Variants in NLRC4 observed in about 807,000 individuals in gnomAD.
The protein encoded by NLRC4 is NLR family CARD domain-containing protein 4.
A neutral mutation model predicts 79.9 loss-of-function variants in NLRC4; 63 were observed. The ratio of observed to expected loss-of-function variants is 0.79; its 90% CI spans 0.64 to 0.97. The LOEUF (loss-of-function observed/expected upper bound fraction) is 0.97. Among genes scored for constraint, NLRC4 ranks in the 50% least tolerant of loss-of-function variants. NLRC4 has a pLI of 0.00. For missense variants in NLRC4, 1,074 were observed against 1,215.2 expected (o/e 0.88, Z 1.73); for synonymous variants, 461 against 456.5 (o/e 1.01, Z -0.12).
chr2:32,230,144 A>G (rs1686496050), intron 8 of NLRC4, among the ~76,000 whole-genome samples: 1 of 152,284 alleles, frequency 6.6e-6, no homozygotes. Context: ...GACTGCCCTT[A>G]GGTAGGAGAA....
rs757127936 is a variant in NLRC4 at position 32,251,288 on chromosome 2, C to G, written c.576G>C (p.Lys192Asn). ...IAMLWGSGKC[K>N]ALTKFKFVFF... is the part of the protein sequence containing the mutation. ...AGACGAATTTGAACTTGGTCAGAGC[C>G]TTGCACTTTCCGGAGCCCCAGAGCA... Residue 192 changes from lysine to asparagine, a missense_variant, in exon 4 of 9, where the codon AAG (lysine) becomes AAC (asparagine). By Grantham distance (94) the Lys-to-Asn change is moderately conservative. Transcript: ENST00000402280. 1.9e-6 allele frequency: 3 copies of G among 1,614,142 alleles called. No individual in the cohort carries two copies. The Admixed American group carries it at 5.0e-5, about 27-fold the overall frequency.
chr2:32,247,318 T>A (rs1325993120), intron 4 of NLRC4, among the ~76,000 whole-genome samples: 2 of 149,236 alleles, frequency 1.3e-5, no homozygotes, highest in Non-Finnish European at 3.0e-5. Context: ...TTTTTTAATT[T>A]TTTTTTTTTT....
chr2:32,265,338 G>A (rs951335050), upstream of NLRC4, among the ~76,000 whole-genome samples: 3 of 151,940 alleles, frequency 2.0e-5, no homozygotes, highest in Non-Finnish European at 2.9e-5. Flanking sequence ...GCACCACCAT[G>A]CCCGGCTAAT....
chr2:32,252,498 C>G lies in NLRC4; in HGVS notation c.183G>C (p.Lys61Asn), dbSNP rs1687101873. The G allele has an allele frequency of 1.2e-6, 2 of 1,613,622 alleles. No individual in the cohort carries two copies. The highest frequency in any genetic ancestry group is 8.5e-7 in the Non-Finnish European group (1 of 1,179,516). The change falls in exon 3 of 9, where the codon AAG becomes AAC. Residue 61 changes from lysine to asparagine, a missense_variant. Transcript: ENST00000402280. ...GAAAGAGGTTACAGGACTCTGAACC[C>G]TTTTTCAAAATCATGTGAATGATCC... ...ARGIIHMILK[K>N]GSESCNLFLK...
At chr2:32,236,864 G>T (rs150075316) in intron 6 of NLRC4, among the ~76,000 whole-genome samples, 2 of 64,534 alleles carry the variant, frequency 3.1e-5, no homozygotes, top group African/African-American at 1.6e-4. Context: ...AAATGGATGA[G>T]AAAAAAAACA....
chr2:32,242,370 A>G (rs2148937290), intron 4 of NLRC4, among the ~76,000 whole-genome samples: 1 of 152,364 alleles, frequency 6.6e-6, no homozygotes, highest in South Asian at 2.1e-4. Flanking sequence ...CAATTAGAGA[A>G]TAATATAAAC....
intron 8 of NLRC4, among the ~76,000 whole-genome samples, chr2:32,233,086 G>T: frequency 7.0e-6 from 1 of 143,014 alleles, no homozygotes. Flanking sequence ...CTCCAGCCTG[G>T]GCAACAGGGA....
intron 8 of NLRC4, among the ~76,000 whole-genome samples, chr2:32,233,151 A>C (rs1686581305): frequency 2.7e-5 from 1 of 36,828 alleles, no homozygotes; most frequent in Non-Finnish European, 4.7e-5. Flanking sequence ...GAAGGAAGGA[A>C]GGAAGGAAGG....
chr2:32,249,902 G>T lies in NLRC4; in HGVS notation c.1962C>A (p.Asn654Lys). ...IPSRAVSLFF[N>K]WKQEFRTLEV... The stretch of plus-strand genomic sequence containing the variant: ...CCAGAGTCCTGAATTCCTGCTTCCA[G>T]TTGAAGAACAAAGATACAGCCCTGC... The change falls in exon 4 of 9, where the codon AAC becomes AAA. Residue 654 changes from asparagine to lysine, a missense_variant. Physicochemically the swap from Asn to Lys is moderately conservative, Grantham distance 94. Coordinates refer to ENST00000402280, the MANE Select transcript of NLRC4 (RefSeq NM_001199138.2). 1 of 1,614,178 alleles carries T rather than the reference G, an allele frequency of 6.2e-7. No homozygotes were observed. The highest frequency in any genetic ancestry group is 8.5e-7 in the Non-Finnish European group (1 of 1,180,048).
intron 1 of NLRC4, among the ~76,000 whole-genome samples, chr2:32,260,228 A>C (rs1163261324): frequency 6.6e-6 from 1 of 151,314 alleles, no homozygotes; most frequent in Non-Finnish European, 1.5e-5. Context: ...AAAAAAAAAA[A>C]AAAAACAACG....
Position 32,250,904 on chromosome 2 carries a change from G to T in NLRC4, c.960C>A (p.Gly320=). The change falls in exon 4 of 9, where the codon GGC becomes GGA. Residue 320 remains glycine, a synonymous_variant. Coordinates refer to ENST00000402280, the MANE Select transcript of NLRC4 (RefSeq NM_001199138.2). This position sits in a 1 kb window ranked among gnomAD's most constrained non-coding sequence, Gnocchi z 4.9. The part of the protein sequence containing the change: ...REVLIKELAE[G]LLLQIQKSRC... Reference sequence around the variant, plus strand: ...TGGATTTCTGAATTTGGAGCAACAAGCCTTCAGCAAGCTCCTTGATCAGCA... The same window carrying T: ...TGGATTTCTGAATTTGGAGCAACAATCCTTCAGCAAGCTCCTTGATCAGCA... The T allele has an allele frequency of 1.9e-6, 3 of 1,614,118 alleles. No homozygotes were observed. The highest frequency in any genetic ancestry group is 1.7e-6 in the Non-Finnish European group (2 of 1,180,028).
At position 32,236,183 on chromosome 2, in the gene NLRC4, A is replaced by G. The variant is rs149359445; in HGVS notation, c.2614+64T>C. 3.6e-3 allele frequency: 3,484 copies of G among 979,204 alleles called. 13 individuals are homozygous for G. The highest frequency in any genetic ancestry group is 4.8e-3 in the Non-Finnish European group (3,038 of 632,798). The allele number at this position is 979,204 out of a possible 1,614,324, so 60.7% of individuals were successfully genotyped here. ...TATAAAAGACCTCAGGACCCAGGCT[A>G]TGTATTTCGACTACCCAGTATACAT... On this transcript the variant is annotated intron_variant, in intron 7 of 8. Coordinates refer to ENST00000402280, the MANE Select transcript of NLRC4 (RefSeq NM_001199138.2).
chr2:32,260,332 A>G (rs920904030), intron 1 of NLRC4, among the ~76,000 whole-genome samples: 1 of 151,920 alleles, frequency 6.6e-6, no homozygotes, highest in African/African-American at 2.4e-5. Context: ...AACAATGAAT[A>G]CTTTTGTACA....
intron 6 of NLRC4, 147 bp downstream of exon 6, chr2:32,237,985 A>C (rs1558449587): frequency 1.2e-5 from 6 of 510,498 alleles, no homozygotes; most frequent in Non-Finnish European, 2.0e-5. Flanking sequence ...AAATCATTAA[A>C]AACAATCTGC....
At chr2:32,233,632 A>G (rs1040778164) in intron 8 of NLRC4, among the ~76,000 whole-genome samples, 15 of 151,948 alleles carry the variant, frequency 9.9e-5, no homozygotes, top group African/African-American at 2.2e-4. Context: ...ATTCTATTCT[A>G]TTATGGTCAG....
intron 8 of NLRC4, among the ~76,000 whole-genome samples, chr2:32,231,573 G>T (rs1421456688): frequency 8.9e-4 from 25 of 28,050 alleles, no homozygotes; most frequent in African/African-American, 1.6e-3. Flanking sequence ...ATTTTTTTTT[G>T]TGGGGGGGGG....
At chr2:32,253,188 C>T (rs1321707726) in intron 2 of NLRC4, among the ~76,000 whole-genome samples, 1 of 151,700 alleles carries the variant, frequency 6.6e-6, no homozygotes, top group African/African-American at 2.4e-5. Flanking sequence ...CTTGCTGTGT[C>T]ACCCAGGCTG....
In NLRC4 at chr2:32,258,739, A is replaced by G. The variant is rs149735069; in HGVS notation, c.-118-1846T>C. ...TTCAATTTCCTGGTATGGTCCTGTC[A>G]TTTCATCCTCCTAGTTGCTTTAAAA... On this transcript the variant is annotated intron_variant, in intron 1 of 8. Transcript: ENST00000402280. Among the ~76,000 whole-genome samples the G allele has an allele frequency of 3.2e-3, 481 of 152,236 alleles. 3 individuals are homozygous for G. The highest frequency in any genetic ancestry group is 0.011 in the African/African-American group (469 of 41,542).
chr2:32,265,337 T>C (rs1341399005), upstream of NLRC4, among the ~76,000 whole-genome samples: 2 of 151,990 alleles, frequency 1.3e-5, no homozygotes, highest in African/African-American at 4.8e-5. Flanking sequence ...TGCACCACCA[T>C]GCCCGGCTAA....
Sources: gnomAD v4.1 joint callset for allele counts (sites outside exome capture counted in the v4.1 genomes callset) on GRCh38, gnomAD v4.1.1 for gene constraint, Gnocchi (gnomAD v3.1) non-coding constraint, MANE v1.5 for transcripts, NCBI Gene and HGNC (gene_info 2026-07-23, HGNC 2026-07-21) for gene names.